EIF4B: variants seen among roughly 807,000 people sequenced by gnomAD.
EIF4B encodes the protein eukaryotic translation initiation factor 4B.
In EIF4B, 8 loss-of-function variants were observed where a neutral mutation model predicts 79.3. That is an observed-to-expected ratio of 0.10 (90% CI 0.06 to 0.18). EIF4B has a LOEUF of 0.18. EIF4B is among the 10% of genes least tolerant of loss of function. The pLI is 1.00. For synonymous variants in EIF4B, 238 were observed against 274.7 expected (o/e 0.87, Z 1.32); for missense variants, 515 against 792.4 (o/e 0.65, Z 4.20).
rs370439388 is a variant in EIF4B at position 53,029,793 on chromosome 12, A to G, written c.979+1605A>G. Among the ~76,000 whole-genome samples, 10 of 152,230 alleles carry G rather than the reference A, an allele frequency of 6.6e-5. No homozygotes were observed. In the South Asian group the frequency reaches 8.3e-4, roughly 13 times the overall value. The stretch of plus-strand genomic sequence containing the variant: ...AATCGATCTGGACAACTAATAAAAC[A>G]CAGTGAGATGACAGAATTCATCAGA... On this transcript the variant is annotated intron_variant, in intron 8 of 14. Transcript: ENST00000262056.
At chr12:53,038,977 C>T (rs2120990273) in intron 12 of EIF4B, 1 of 362,510 alleles carries the variant, frequency 2.8e-6, no homozygotes, top group Non-Finnish European at 5.0e-6. Flanking sequence ...TACAGAGCGT[C>T]ATAATCTTTA....
chr12:53,007,126 T>C (rs933494396), intron 1 of EIF4B, among the ~76,000 whole-genome samples: 1 of 152,166 alleles, frequency 6.6e-6, no homozygotes, highest in African/African-American at 2.4e-5. Context: ...TTATGTCCTT[T>C]TAGGTTGTCT....
chr12:53,029,396 G>C (rs1436209020), intron 8 of EIF4B, among the ~76,000 whole-genome samples: 1 of 139,808 alleles, frequency 7.2e-6, no homozygotes, highest in Non-Finnish European at 1.5e-5. Context: ...TTTTTGAGAC[G>C]GAGTCTTGCT....
intron 8 of EIF4B, among the ~76,000 whole-genome samples, 154 bp from the exon 9 acceptor site, chr12:53,033,652 T>C (rs1943487338): frequency 6.6e-6 from 1 of 152,244 alleles, no homozygotes; most frequent in Non-Finnish European, 1.5e-5. Flanking sequence ...AAACTACCTG[T>C]TTTCTAATGA....
At chr12:53,037,899 T>C (rs546568699) in intron 11 of EIF4B, 3 of 457,860 alleles carry the variant, frequency 6.6e-6, no homozygotes, top group Non-Finnish European at 1.2e-5. Flanking sequence ...TTGCCACATA[T>C]TGGCAGTATG....
At chr12:53,018,691 T>C in intron 2 of EIF4B, 107 bp from the exon 3 acceptor site, 1 of 1,328,938 alleles carries the variant, frequency 7.5e-7, no homozygotes, top group Non-Finnish European at 1.0e-6. Flanking sequence ...GGTCTGGTTT[T>C]CTTGTATAGC....
chr12:53,009,047 TA>T (rs1943018251), intron 1 of EIF4B, among the ~76,000 whole-genome samples: 2 of 152,132 alleles, frequency 1.3e-5, no homozygotes, highest in Admixed American at 1.3e-4. Context: ...AAAAAAATCT[TA>T]AAAATACGAA....
chr12:53,038,525 C>T, intron 12 of EIF4B, 114 bp downstream of exon 12: 1 of 1,068,220 alleles, frequency 9.4e-7, no homozygotes, highest in African/African-American at 1.6e-5. Context: ...GTTAAGAGTT[C>T]TTGGGTTGGC....
chr12:53,032,460 A>G (rs1943463112), intron 8 of EIF4B, among the ~76,000 whole-genome samples: 1 of 152,142 alleles, frequency 6.6e-6, no homozygotes, highest in South Asian at 2.1e-4. Context: ...AATCTTCCCT[A>G]TCATATTGTA....
chr12:53,037,687 G>C (rs1943562592), intron 11 of EIF4B, 65 bp downstream of exon 11: 1 of 1,557,814 alleles, frequency 6.4e-7, no homozygotes, highest in Admixed American at 1.7e-5. Context: ...TGTAATGATG[G>C]AAGATCTCCT....
At chr12:53,029,090 A>G (rs979910495) in intron 8 of EIF4B, among the ~76,000 whole-genome samples, 5 of 150,042 alleles carry the variant, frequency 3.3e-5, no homozygotes, top group Non-Finnish European at 3.0e-5. Context: ...GCACCACTGC[A>G]CTCCAGCCTG....
In EIF4B at chr12:53,037,860, G is replaced by T. The variant is rs1277910037; in HGVS notation, c.1520+238G>T. ...GGGAGTACTAATGCCGCACAAATCT[G>T]CAAATACTGTAAGTCAGAGGCTTCC... On this transcript the variant is annotated intron_variant, in intron 11 of 14. Transcript: ENST00000262056. 5 of 545,854 alleles carry T rather than the reference G, an allele frequency of 9.2e-6. 1 individual carries two copies. In the Admixed American group the frequency reaches 1.7e-4, roughly 19 times the overall value. The allele number at this position is 545,854 out of a possible 1,614,324, so 33.8% of individuals were successfully genotyped here.
At position 53,019,915 on chromosome 12, in the gene EIF4B, T is replaced by C. The variant is rs1362904511; in HGVS notation, c.366T>C (p.Ser122=). The change falls in exon 4 of 15, where the codon AGT becomes AGC. Residue 122 remains serine, a synonymous_variant. Coordinates refer to ENST00000262056, the MANE Select transcript of EIF4B (RefSeq NM_001417.7). Reference sequence around the variant, plus strand: ...GTTGATTCTTATTCCTTCAGATCAGTGCAGTGCGTTTACCACGTGAACCCA... The same window carrying C: ...GTTGATTCTTATTCCTTCAGATCAGCGCAGTGCGTTTACCACGTGAACCCA... ...IKEFFRGLNI[S]AVRLPREPSN... 1 of 1,609,458 alleles carries C rather than the reference T, an allele frequency of 6.2e-7. No individual in the cohort carries two copies. The highest frequency in any genetic ancestry group is 2.2e-5 in the East Asian group (1 of 44,832).
chr12:53,021,095 T>C (rs1943240973), intron 4 of EIF4B, among the ~76,000 whole-genome samples: 1 of 152,158 alleles, frequency 6.6e-6, no homozygotes, highest in Non-Finnish European at 1.5e-5. Context: ...GATTCTACTA[T>C]GAAATGAGGA....
In EIF4B at chr12:53,037,524, G is replaced by A. The variant is rs1555154474; in HGVS notation, c.1422G>A (p.Met474Ile). The A allele has an allele frequency of 6.2e-7, 1 of 1,613,920 alleles. No homozygotes were observed. The change falls in exon 11 of 15, where the codon ATG becomes ATA. Residue 474 changes from methionine (M) to isoleucine (I), a missense_variant. Around this residue, in one of 6 missense-constraint regions of EIF4B, gnomAD observed 146 missense variants for 228.0 expected, o/e 0.64. Coordinates refer to ENST00000262056, the MANE Select transcript of EIF4B (RefSeq NM_001417.7). ...AACCTGATCAGCCCCTAAAGGTAAT[G>A]CCAGCCCCTCCACCAAAGGAGAATG... Reference protein sequence around the residue: ...PPKPDQPLKVMPAPPPKENAW... With the variant: ...PPKPDQPLKVIPAPPPKENAW...
intron 1 of EIF4B, among the ~76,000 whole-genome samples, chr12:53,007,225 G>T (rs1327871826): frequency 6.6e-6 from 1 of 152,114 alleles, no homozygotes; most frequent in East Asian, 1.9e-4. Flanking sequence ...GGCGTTAGAT[G>T]GGGGTGGGGA....
At chr12:53,039,390 G>A in intron 13 of EIF4B, 47 bp downstream of exon 13, 1 of 1,458,392 alleles carries the variant, frequency 6.9e-7, no homozygotes, top group Non-Finnish European at 9.3e-7. Flanking sequence ...ACATGTTTGT[G>A]TAATTAAGAA....
intron 6 of EIF4B, chr12:53,025,304 C>A: frequency 2.2e-6 from 1 of 450,704 alleles, no homozygotes; most frequent in Non-Finnish European, 4.4e-6. Context: ...TGACTTTTCT[C>A]ACCTGAAACC....
chr12:53,007,188 G>A (rs1942980263), intron 1 of EIF4B, among the ~76,000 whole-genome samples: 1 of 152,188 alleles, frequency 6.6e-6, no homozygotes, highest in Admixed American at 6.6e-5. Context: ...AAGGGTGTGT[G>A]TGTTAGCCTT....
Sources: allele counts gnomAD v4.1 joint callset (sites outside exome capture counted in the v4.1 genomes callset), GRCh38; gene constraint gnomAD v4.1.1; regional missense constraint gnomAD v4.1.1; transcripts MANE v1.5; gene names NCBI Gene and HGNC (gene_info 2026-07-23, HGNC 2026-07-21).